DGKB: variants seen among roughly 807,000 people sequenced by gnomAD.
DGKB encodes the protein diacylglycerol kinase beta, also known as 90 kDa diacylglycerol kinase.
DGKB carries 67 observed loss-of-function variants against 114.3 expected under a neutral mutation model. The ratio of observed to expected loss-of-function variants is 0.59; its 90% CI spans 0.48 to 0.72. The LOEUF (loss-of-function observed/expected upper bound fraction) is 0.72, where lower values mean the gene tolerates loss of function less well. Among genes scored for constraint, DGKB ranks in the 30% least tolerant of loss-of-function variants. DGKB has a pLI of 0.00. For missense variants in DGKB, 907 were observed against 975.2 expected, an observed-to-expected ratio of 0.93 and a Z score of 0.93; for synonymous variants, 398 against 323.1, an observed-to-expected ratio of 1.23 and a Z score of -2.49.
At chr7:14,947,000 GTGT>G (rs1785919550) in intron 1 of DGKB, among the ~76,000 whole-genome samples, 2 of 151,502 alleles carry the variant, frequency 1.3e-5, no homozygotes, top group African/African-American at 2.4e-5. Context: ...ATTTTAAGAA[GTGT>G]TGTATTTTTT....
chr7:14,465,938 G>C lies in DGKB; in HGVS notation c.1835+12223C>G, dbSNP rs138948350. Among the ~76,000 whole-genome samples, 1,110 of 151,960 alleles carry C rather than the reference G, an allele frequency of 7.3e-3. 14 individuals are homozygous for C. Among genetic ancestry groups the C allele is most frequent in the African/African-American group, 0.024 (976 of 41,250 alleles). Reference sequence around the variant, plus strand: ...GTACACAATTATTGAGACTTTCTGTGATGCATTATCCATCGGATTTGCATG... The same window carrying C: ...GTACACAATTATTGAGACTTTCTGTCATGCATTATCCATCGGATTTGCATG... On this transcript the variant is annotated intron_variant, in intron 21 of 25. Coordinates refer to ENST00000402815, the MANE Select transcript of DGKB (RefSeq NM_001350709.2).
intron 20 of DGKB, among the ~76,000 whole-genome samples, chr7:14,492,399 C>T (rs1470034472): frequency 6.6e-6 from 1 of 151,914 alleles, no homozygotes; most frequent in Non-Finnish European, 1.5e-5. Context: ...AATAAAAGAA[C>T]ATATATAAGA....
intron 23 of DGKB, among the ~76,000 whole-genome samples, chr7:14,245,926 C>G (rs1794408362): frequency 6.6e-6 from 1 of 152,014 alleles, no homozygotes; most frequent in Admixed American, 6.6e-5. Flanking sequence ...GATCCTGTCT[C>G]AAAAAACAAA....
intron 2 of DGKB, among the ~76,000 whole-genome samples, chr7:14,801,607 T>C (rs1267849571): frequency 6.6e-6 from 1 of 152,006 alleles, no homozygotes; most frequent in African/African-American, 2.4e-5. Flanking sequence ...GCCTGCCTGA[T>C]TGAGCTGGGA....
intron 23 of DGKB, among the ~76,000 whole-genome samples, chr7:14,184,373 T>G (rs1279097770): frequency 6.6e-6 from 1 of 152,146 alleles, no homozygotes; most frequent in Non-Finnish European, 1.5e-5. Context: ...CTTTCGCAGT[T>G]GGGAGGTGAG....
At chr7:14,433,180 T>G (rs1828729878) in intron 21 of DGKB, among the ~76,000 whole-genome samples, 1 of 152,180 alleles carries the variant, frequency 6.6e-6, no homozygotes, top group African/African-American at 2.4e-5. Flanking sequence ...GATAAAAGAC[T>G]TGGTTCCTTT....
In DGKB at chr7:14,841,454, CA is replaced by C. The variant is rs34838441; in HGVS notation, c.-187-5del. 70,440 of 355,556 alleles carry C rather than the reference CA, an allele frequency of 0.2. 3,787 individuals are homozygous for C. The highest frequency in any genetic ancestry group is 0.26 in the African/African-American group (12,504 of 47,226). 22.0% of individuals were successfully genotyped at this position (355,556 alleles called of 1,614,324 possible). A position where few individuals can be genotyped will look rare whatever the true frequency, so the allele number is the denominator to read the frequency against. On this transcript the variant is annotated splice_region_variant and splice_polypyrimidine_tract_variant and intron_variant, in intron 1 of 25. Transcript: ENST00000402815. ...ATTTCAATAATGTGTTAAAGAACTG[CA>C]AAAAAAAAAAACAGATCAAGATCAA...
chr7:14,334,366 G>A (rs2128563835), intron 23 of DGKB, among the ~76,000 whole-genome samples: 1 of 78,092 alleles, frequency 1.3e-5, no homozygotes, highest in South Asian at 1.1e-3. Context: ...ATACATATGT[G>A]TGTGTGTGTG....
chr7:14,770,828 T>C (rs1193685628), intron 2 of DGKB, among the ~76,000 whole-genome samples: 1 of 152,072 alleles, frequency 6.6e-6, no homozygotes, highest in East Asian at 1.9e-4. Context: ...TAGCACTGAC[T>C]GAGTTGTTAA....
chr7:14,738,061 T>C (rs1462987933), intron 4 of DGKB, among the ~76,000 whole-genome samples: 1 of 152,214 alleles, frequency 6.6e-6, no homozygotes, highest in East Asian at 1.9e-4. Context: ...ACATGGCGAT[T>C]AGGCCAACAG....
At chr7:14,258,939 T>G (rs1043672216) in intron 23 of DGKB, among the ~76,000 whole-genome samples, 1 of 152,212 alleles carries the variant, frequency 6.6e-6, no homozygotes, top group Non-Finnish European at 1.5e-5. Context: ...CAGGAAAATT[T>G]TGACTCTTAA....
chr7:14,772,663 C>G (rs1299210828), intron 2 of DGKB, among the ~76,000 whole-genome samples: 5 of 152,136 alleles, frequency 3.3e-5, no homozygotes, highest in Non-Finnish European at 7.4e-5. Flanking sequence ...ATCTGTTACA[C>G]TGACACCAAG....
intron 2 of DGKB, among the ~76,000 whole-genome samples, chr7:14,788,444 G>A (rs1210179626): frequency 3.9e-5 from 6 of 152,116 alleles, no homozygotes. Flanking sequence ...CTAATTCCTA[G>A]GGACAGCAAA....
At chr7:14,627,470 T>C (rs1329276888) in intron 14 of DGKB, among the ~76,000 whole-genome samples, 9 of 152,092 alleles carry the variant, frequency 5.9e-5, no homozygotes. Flanking sequence ...TTAAGGAAAT[T>C]CTTATTGGAG....
intron 2 of DGKB, among the ~76,000 whole-genome samples, chr7:14,758,993 T>C (rs7788935): frequency 0.093 from 14,067 of 151,930 alleles, 923 homozygotes; most frequent in Middle Eastern, 0.17. Flanking sequence ...GGCACAGTCT[T>C]GGCTCACTGC....
intron 13 of DGKB, among the ~76,000 whole-genome samples, chr7:14,631,194 G>A (rs1809617052): frequency 7.3e-6 from 1 of 136,946 alleles, no homozygotes; most frequent in African/African-American, 2.7e-5. Context: ...AGATGGGTAT[G>A]AAAAATCTGA....
In DGKB at chr7:14,574,067, A is replaced by C. The variant is rs533929328; in HGVS notation, c.1770+145T>G. 3.4e-5 allele frequency: 19 copies of C among 565,676 alleles called. No individual in the cohort carries two copies. In the South Asian group the frequency reaches 6.4e-4, roughly 19 times the overall value. 35.0% of individuals were successfully genotyped at this position (565,676 alleles called of 1,614,324 possible). A position where few individuals can be genotyped will look rare whatever the true frequency, so the allele number is the denominator to read the frequency against. ...TAATAATGATAGTCATTAGAGCAATAATAATTGCCTATTAGAAGAGATGTT... is the reference window on the plus strand; with the variant it reads ...TAATAATGATAGTCATTAGAGCAATCATAATTGCCTATTAGAAGAGATGTT... On this transcript the variant is annotated intron_variant, in intron 20 of 25. Transcript: ENST00000402815.
At chr7:14,654,887 A>G (rs1162065839) in intron 13 of DGKB, among the ~76,000 whole-genome samples, 2 of 151,998 alleles carry the variant, frequency 1.3e-5, no homozygotes, top group Non-Finnish European at 2.9e-5. Context: ...CACAAAATAT[A>G]TTAACAACTT....
At chr7:14,322,275 A>C (rs1216243747) in intron 23 of DGKB, among the ~76,000 whole-genome samples, 1 of 152,168 alleles carries the variant, frequency 6.6e-6, no homozygotes, top group Non-Finnish European at 1.5e-5. Flanking sequence ...AATATCTACT[A>C]TCTGACACTA....
Sources: allele counts gnomAD v4.1 joint callset (sites outside exome capture counted in the v4.1 genomes callset), GRCh38; gene constraint gnomAD v4.1.1; transcripts MANE v1.5; gene names NCBI Gene and HGNC (gene_info 2026-07-23, HGNC 2026-07-21).